ZFPM1: variants seen among roughly 807,000 people sequenced by gnomAD.
The protein encoded by ZFPM1 is zinc finger protein, FOG family member 1.
A neutral mutation model predicts 46.3 loss-of-function variants in ZFPM1; 28 were observed. The ratio of observed to expected loss-of-function variants is 0.60; its 90% confidence interval spans 0.45 to 0.83. The LOEUF is 0.83. ZFPM1 is among the 40% of genes least tolerant of loss of function. The pLI, the probability that ZFPM1 is intolerant of heterozygous loss-of-function variation, is 0.00. For missense variants in ZFPM1, 1,878 were observed against 1,432.4 expected, an observed-to-expected ratio of 1.31 and a Z score of -5.02; for synonymous variants, 957 against 675.9, an observed-to-expected ratio of 1.42 and a Z score of -6.45.
At chr16:88,458,342 G>C (rs1907648521) in intron 1 of ZFPM1, among the ~76,000 whole-genome samples, 1 of 152,192 alleles carries the variant, frequency 6.6e-6, no homozygotes, top group African/African-American at 2.4e-5. Context: ...ACTGCAAGGG[G>C]GAGGGGGTCC....
At chr16:88,479,903 C>T (rs1908856728) in intron 1 of ZFPM1, among the ~76,000 whole-genome samples, 1 of 144,000 alleles carries the variant, frequency 6.9e-6, no homozygotes, top group Non-Finnish European at 1.5e-5. Context: ...CCCTGGCCTT[C>T]ACCCACTCAC....
rs990866202 is a variant in ZFPM1, at chr16:88,518,046, TA to T, written c.402+3535del. Among the ~76,000 whole-genome samples the T allele has an allele frequency of 2.0e-5, 3 of 151,386 alleles. No homozygotes were observed. The East Asian group carries it at 5.8e-4, about 29-fold the overall frequency. On this transcript the variant is annotated intron_variant, in intron 4 of 9. Coordinates refer to ENST00000319555, the MANE Select transcript of ZFPM1 (RefSeq NM_153813.3). The stretch of plus-strand genomic sequence containing the variant: ...TAACATGGTGAAACCCCGTCTCTAT[TA>T]AAAAAAAATTAGCCGGGCATGGTGG...
At chr16:88,467,783 G>C (rs1241842278) in intron 1 of ZFPM1, among the ~76,000 whole-genome samples, 1 of 152,122 alleles carries the variant, frequency 6.6e-6, no homozygotes, top group East Asian at 1.9e-4. Flanking sequence ...CATGGCTTTG[G>C]GAGGTGGGGG....
rs11076643 is a variant in ZFPM1 at position 88,536,063 on chromosome 16, T to C, written c.*1084T>C. 0.9 allele frequency: 137,292 copies of C among 152,066 alleles called. 62,062 individuals are homozygous for C. The highest frequency in any genetic ancestry group is 1 in the East Asian group (5,168 of 5,190). 9.4% of individuals were successfully genotyped at this position (152,066 alleles called of 1,614,324 possible). On this transcript the variant is annotated 3_prime_UTR_variant, in exon 10 of 10. Transcript: ENST00000319555. Reference sequence around the variant, plus strand: ...CTTGACCTCGTGAGCTCAAGTGATCTTCCCACCTCAGTTTCCTCAGTAGCT... The same window carrying C: ...CTTGACCTCGTGAGCTCAAGTGATCCTCCCACCTCAGTTTCCTCAGTAGCT...
At chr16:88,518,221 AG>A (rs1230175291) in intron 4 of ZFPM1, among the ~76,000 whole-genome samples, 2 of 149,554 alleles carry the variant, frequency 1.3e-5, no homozygotes, top group African/African-American at 4.9e-5. Context: ...AAAAAAAATG[AG>A]TGGGTGAATG....
intron 3 of ZFPM1, among the ~76,000 whole-genome samples, chr16:88,490,566 G>A (rs1179427289): frequency 1.3e-5 from 2 of 152,240 alleles, no homozygotes; most frequent in African/African-American, 4.8e-5. Context: ...AAAGGGGTCA[G>A]CGAGGTCCCA....
chr16:88,534,496 C>A lies in ZFPM1; in HGVS notation c.2538C>A (p.Pro846=). Residue 846 remains proline, a synonymous_variant, in exon 10 of 10, where the codon CCC becomes CCA. Coordinates refer to ENST00000319555, the MANE Select transcript of ZFPM1 (RefSeq NM_153813.3). ...KKYSCPAAPP[P]GALGLPAAAC... Reference sequence around the variant, plus strand: ...ACTCGTGCCCCGCTGCGCCACCGCCCGGCGCGCTCGGCCTGCCCGCCGCCG... The same window carrying A: ...ACTCGTGCCCCGCTGCGCCACCGCCAGGCGCGCTCGGCCTGCCCGCCGCCG... The A allele has an allele frequency of 6.8e-7, 1 of 1,463,656 alleles. No homozygotes were observed. Among genetic ancestry groups the A allele is most frequent in the Non-Finnish European group, 9.0e-7 (1 of 1,112,690 alleles). 90.7% of individuals were successfully genotyped at this position (1,463,656 alleles called of 1,614,324 possible).
chr16:88,510,646 C>A (rs1215311510), intron 3 of ZFPM1, among the ~76,000 whole-genome samples: 2 of 151,912 alleles, frequency 1.3e-5, no homozygotes, highest in African/African-American at 4.8e-5. Flanking sequence ...CTCACCCATG[C>A]GGCCTAGGTC....
At chr16:88,521,888 G>T (rs1442919157) in intron 4 of ZFPM1, 1 of 152,952 alleles carries the variant, frequency 6.5e-6, no homozygotes, top group African/African-American at 2.5e-5. Flanking sequence ...CCCCCGTGCT[G>T]TTCCTTGGCC....
intron 1 of ZFPM1, among the ~76,000 whole-genome samples, chr16:88,483,307 G>A (rs1166283326): frequency 3.3e-5 from 5 of 151,624 alleles, no homozygotes; most frequent in East Asian, 3.9e-4. Context: ...ATGGCTCCCC[G>A]GTGGCCCCAG....
At chr16:88,474,846 G>A (rs1400081343) in intron 1 of ZFPM1, among the ~76,000 whole-genome samples, 4 of 152,218 alleles carry the variant, frequency 2.6e-5, no homozygotes, top group Non-Finnish European at 5.9e-5. Context: ...TCTGCCTCCT[G>A]CAGAGCCTCC....
In ZFPM1 at chr16:88,532,050, G is replaced by A. The variant is rs1181780605; in HGVS notation, c.761G>A (p.Arg254His). 6 of 1,612,132 alleles carry A rather than the reference G, an allele frequency of 3.7e-6. No homozygotes were observed. Among genetic ancestry groups the A allele is most frequent in the Middle Eastern group, 1.7e-4 (1 of 6,054 alleles). ...TGTGGCATCTGGTACCGCAGCGAGC[G>A]CAACCTGCAGGCGCACCTGCTCTAC... is the stretch of plus-strand genomic sequence containing the variant. Reference protein sequence around the residue: ...KDCGIWYRSERNLQAHLLYYC... With the variant: ...KDCGIWYRSEHNLQAHLLYYC... Residue 254 changes from arginine (R) to histidine (H), a missense_variant, in exon 7 of 10, where the codon CGC becomes CAC. By Grantham distance (29) the Arg-to-His change is conservative. Transcript: ENST00000319555.
intron 1 of ZFPM1, among the ~76,000 whole-genome samples, chr16:88,465,972 G>C (rs1908118061): frequency 6.6e-6 from 1 of 152,220 alleles, no homozygotes; most frequent in Non-Finnish European, 1.5e-5. Flanking sequence ...CGTGCACGGG[G>C]GAAACCAAGG....
chr16:88,514,644 A>T, intron 4 of ZFPM1, 124 bp downstream of exon 4: 5 of 1,285,914 alleles, frequency 3.9e-6, no homozygotes, highest in Non-Finnish European at 5.2e-6. Flanking sequence ...TGGGCCTGAG[A>T]TATTGGGACC....
rs1459037353 is a variant in ZFPM1 at position 88,469,815 on chromosome 16, A to G, written c.41-16124A>G. ...AGAGGAAGTAGGGAGGGGCCGTCCG[A>G]CCAGAACCAGACATCACCTTGGCCA... On this transcript the variant is annotated intron_variant, in intron 1 of 9. Coordinates refer to ENST00000319555, the MANE Select transcript of ZFPM1 (RefSeq NM_153813.3). This position sits in a 1 kb window ranked among gnomAD's most constrained non-coding sequence, Gnocchi z 4.3. Among the ~76,000 whole-genome samples, 1 of 151,990 alleles carries G rather than the reference A, an allele frequency of 6.6e-6. No individual in the cohort carries two copies. The highest frequency in any genetic ancestry group is 2.4e-5 in the African/African-American group (1 of 41,356).
chr16:88,534,772 CGCGCCCGAGGCCGTGCCGCCCCCGCCG>C lies in ZFPM1; in HGVS notation c.2821_2847del (p.Glu941_Pro949del). On this transcript the variant is annotated inframe_deletion, in exon 10 of 10. Coordinates refer to ENST00000319555, the MANE Select transcript of ZFPM1 (RefSeq NM_153813.3). The stretch of plus-strand genomic sequence containing the variant: ...CCGGCCCGCCCCCGTCCCCGGCCGC[CGCGCCCGAGGCCGTGCCGCCCCCGCCG>C]GCGCCCCCCTCCTACTCGGACAAGG... 8.4e-7 allele frequency: 1 copy of C among 1,189,932 alleles called. No individual in the cohort carries two copies. The highest frequency in any genetic ancestry group is 1.0e-6 in the Non-Finnish European group (1 of 959,860). 73.7% of individuals were successfully genotyped at this position (1,189,932 alleles called of 1,614,324 possible).
At chr16:88,516,033 G>C in intron 4 of ZFPM1, 1 of 398,090 alleles carries the variant, frequency 2.5e-6, no homozygotes, top group Non-Finnish European at 4.4e-6. Flanking sequence ...GGCTCTGTGA[G>C]TTCCAGACAC....
At chr16:88,500,831 C>G (rs946320486) in intron 3 of ZFPM1, among the ~76,000 whole-genome samples, 1 of 152,260 alleles carries the variant, frequency 6.6e-6, no homozygotes, top group Non-Finnish European at 1.5e-5. Flanking sequence ...GTGGTCAGCT[C>G]GGATCTTGGC....
In ZFPM1 at chr16:88,526,812, A is replaced by G; in HGVS notation, c.403-2A>G. 3 of 1,001,452 alleles carry G rather than the reference A, an allele frequency of 3.0e-6. No homozygotes were observed. Among genetic ancestry groups the G allele is most frequent in the Non-Finnish European group, 4.4e-6 (3 of 686,394 alleles). 62.0% of individuals were successfully genotyped at this position (1,001,452 alleles called of 1,614,324 possible). ...CCACGTGTTCCTACCCTCCCCCCCC[A>G]GAGCCCAGCCCTGACCCTGCTGCTG... On this transcript the variant is annotated splice_acceptor_variant, in intron 4 of 9. Coordinates refer to ENST00000319555, the MANE Select transcript of ZFPM1 (RefSeq NM_153813.3). LOFTEE classifies it high-confidence loss of function.
Sources: allele counts gnomAD v4.1 joint callset (sites outside exome capture counted in the v4.1 genomes callset), GRCh38; gene constraint gnomAD v4.1.1; non-coding constraint Gnocchi (gnomAD v3.1); transcripts MANE v1.5; gene names NCBI Gene and HGNC (gene_info 2026-07-23, HGNC 2026-07-21).